DCLRE1A: variants seen among roughly 807,000 people sequenced by gnomAD.
DCLRE1A encodes the protein DNA cross-link repair 1A.
Under a neutral mutation model 91.9 loss-of-function variants are expected in DCLRE1A, and 64 were observed. The observed-to-expected ratio is 0.70, with a 90% CI of 0.57 to 0.86. The LOEUF is 0.86. Ranked by LOEUF, DCLRE1A falls within the 40% of genes least tolerant of loss-of-function variation. The pLI is 0.00. For missense variants in DCLRE1A, 1,145 were observed against 1,213.3 expected (o/e 0.94, Z 0.84); for synonymous variants, 416 against 431.1 (o/e 0.96, Z 0.43).
Position 113,849,118 on chromosome 10 carries a change from C to T in DCLRE1A, c.1987G>A (p.Ala663Thr). ...ACTTTGACTTTACTTAAATTGACTG[C>T]TTCAGATTCTGTATTAATAAGGTGA... ...SDHLINTESE[A>T]VNLSKVKVFT... The change falls in exon 2 of 9, where the codon GCA becomes ACA. Residue 663 changes from alanine (A) to threonine (T), a missense_variant. Physicochemically the swap from Ala to Thr is moderately conservative, Grantham distance 58. Transcript: ENST00000361384. 6.2e-7 allele frequency: 1 copy of T among 1,614,102 alleles called. No individual in the cohort carries two copies. The highest frequency in any genetic ancestry group is 8.5e-7 in the Non-Finnish European group (1 of 1,180,022).
rs138134130 is a variant in DCLRE1A at position 113,847,224 on chromosome 10, G to A, written c.2237C>T (p.Thr746Ile). 11 of 1,609,192 alleles carry A rather than the reference G, an allele frequency of 6.8e-6. No individual in the cohort carries two copies. The highest frequency in any genetic ancestry group is 8.5e-6 in the Non-Finnish European group (10 of 1,177,048). ...DHYAGLSKHF[T>I]FPVYCSEITG... The stretch of plus-strand genomic sequence containing the variant: ...TACCTCACTACAATAAACTGGAAAT[G>A]TGAAGTGTTTAGACAATCCAGCATA... Residue 746 changes from threonine (T) to isoleucine (I), a missense_variant, in exon 3 of 9, where the codon ACA (threonine) becomes ATA (isoleucine). Transcript: ENST00000361384.
At chr10:113,847,465 C>G in intron 2 of DCLRE1A, 130 bp from the exon 3 acceptor site, 1 of 1,063,226 alleles carries the variant, frequency 9.4e-7, no homozygotes, top group Non-Finnish European at 1.3e-6. Flanking sequence ...AAACTTATAT[C>G]ACATAAATTT....
rs1373055502 is a variant in DCLRE1A at position 113,835,235 on chromosome 10, G to A, written c.3040C>T (p.Pro1014Ser). The change falls in exon 9 of 9, where the codon CCT (proline) becomes TCT (serine). Residue 1014 changes from proline (P) to serine (S), a missense_variant. Pro to Ser is a moderately conservative substitution (Grantham distance 74). Coordinates refer to ENST00000361384, the MANE Select transcript of DCLRE1A (RefSeq NM_014881.5). ...TTCCAGGTGCCCACATTTACAGTAG[G>A]TATGATTTTCTGGGGCTTCAGCCAC... is the stretch of plus-strand genomic sequence containing the variant. ...VQWLKPQKII[P>S]TVNVGTWKSR... The A allele has an allele frequency of 1.9e-6, 3 of 1,614,046 alleles. No individual in the cohort carries two copies. Among genetic ancestry groups the A allele is most frequent in the Non-Finnish European group, 1.7e-6 (2 of 1,179,986 alleles).
chr10:113,852,930 C>T lies in DCLRE1A; in HGVS notation c.253G>A (p.Gly85Arg). The T allele has an allele frequency of 6.2e-7, 1 of 1,614,172 alleles. No homozygotes were observed. The change falls in exon 1 of 9, where the codon GGA becomes AGA. Residue 85 changes from glycine to arginine, a missense_variant. Physicochemically the swap from Gly to Arg is moderately radical, Grantham distance 125. Coordinates refer to ENST00000361384, the MANE Select transcript of DCLRE1A (RefSeq NM_014881.5). The stretch of plus-strand genomic sequence containing the variant: ...TCTTGGGTCTGCTGAATACCATCTC[C>T]ACAACTTGAATTCTGACTAGAAGCA... ...SVASSQNSSC[G>R]DGIQQTQDKE...
Position 113,835,008 on chromosome 10 carries a change from T to C in DCLRE1A, c.*144A>G, listed in dbSNP as rs1845341216. 2.3e-6 allele frequency: 2 copies of C among 873,912 alleles called. No individual in the cohort carries two copies. The highest frequency in any genetic ancestry group is 3.5e-6 in the Non-Finnish European group (2 of 579,188). 54.1% of individuals were successfully genotyped at this position (873,912 alleles called of 1,614,324 possible). ...GGCATTCAGCACCACGAACATGTTGTTCAAACATAAATGAGAAAATAAAGT... is the reference window on the plus strand; with the variant it reads ...GGCATTCAGCACCACGAACATGTTGCTCAAACATAAATGAGAAAATAAAGT... On this transcript the variant is annotated 3_prime_UTR_variant, in exon 9 of 9. Transcript: ENST00000361384.
chr10:113,850,015 T>A lies in DCLRE1A; in HGVS notation c.1090A>T (p.Ser364Cys). Reference protein sequence around the residue: ...DQDESCPKVNSFLTRDKYDEG... With the variant: ...DQDESCPKVNCFLTRDKYDEG... ...TCATACTTATCCCGAGTTAAGAAGCTGTTCACTTTGGGGCAGCTCTCATCC... is the reference window on the plus strand; with the variant it reads ...TCATACTTATCCCGAGTTAAGAAGCAGTTCACTTTGGGGCAGCTCTCATCC... Residue 364 changes from serine (S) to cysteine (C), a missense_variant, in exon 2 of 9, where the codon AGC becomes TGC. Coordinates refer to ENST00000361384, the MANE Select transcript of DCLRE1A (RefSeq NM_014881.5). The A allele has an allele frequency of 6.2e-7, 1 of 1,614,206 alleles. No homozygotes were observed. Among genetic ancestry groups the A allele is most frequent in the Non-Finnish European group, 8.5e-7 (1 of 1,180,040 alleles).
At position 113,841,419 on chromosome 10, in the gene DCLRE1A, T is replaced by G. The variant is rs1564842190; in HGVS notation, c.2807A>C (p.Gln936Pro). 2 of 1,612,504 alleles carry G rather than the reference T, an allele frequency of 1.2e-6. No homozygotes were observed. Among genetic ancestry groups the G allele is most frequent in the South Asian group, 2.2e-5 (2 of 90,506 alleles). Residue 936 changes from glutamine (Q) to proline (P), a missense_variant, in exon 7 of 9, where the codon CAA becomes CCA. Gln to Pro is a moderately conservative substitution (Grantham distance 76, BLOSUM62 -1). Transcript: ENST00000361384. ...TTGAATGCTTACCTTAAAATTAATTTGCATCATTGGGAGAAGGTGAACCAA... is the reference window on the plus strand; with the variant it reads ...TTGAATGCTTACCTTAAAATTAATTGGCATCATTGGGAGAAGGTGAACCAA... ...SSLVHLLPMM[Q>P]INFKGLQSHL...
chr10:113,842,169 C>T (rs1845455164), intron 6 of DCLRE1A, among the ~76,000 whole-genome samples, 174 bp downstream of exon 6: 1 of 152,076 alleles, frequency 6.6e-6, no homozygotes, highest in Admixed American at 6.5e-5. Context: ...AAAGTCAAAC[C>T]TTTCAAAGAT....
rs1201944079 is a variant in DCLRE1A at position 113,853,804 on chromosome 10, C to G, written c.-622G>C. 1 of 152,360 alleles carries G rather than the reference C, an allele frequency of 6.6e-6. No individual in the cohort carries two copies. The highest frequency in any genetic ancestry group is 1.5e-5 in the Non-Finnish European group (1 of 68,148). 9.4% of individuals were successfully genotyped at this position (152,360 alleles called of 1,614,324 possible). A position where few individuals can be genotyped will look rare whatever the true frequency, so the allele number is the denominator to read the frequency against. ...AGTGGATACTCAACCACTTCAGTTT[C>G]CCGCGACAGTCCATGATCTTCCTCC... On this transcript the variant is annotated 5_prime_UTR_variant, in exon 1 of 9. Coordinates refer to ENST00000361384, the MANE Select transcript of DCLRE1A (RefSeq NM_014881.5).
Position 113,853,776 on chromosome 10 carries a change from A to T in DCLRE1A, c.-594T>A, listed in dbSNP as rs1845700197. 1 of 152,382 alleles carries T rather than the reference A, an allele frequency of 6.6e-6. No homozygotes were observed. Among genetic ancestry groups the T allele is most frequent in the African/African-American group, 2.4e-5 (1 of 41,448 alleles). The allele number at this position is 152,382 out of a possible 1,614,324, so 9.4% of individuals were successfully genotyped here. A position where few individuals can be genotyped will look rare whatever the true frequency, so the allele number is the denominator to read the frequency against. ...TGCGAAGTCACTGCCCTCATCCACG[A>T]CTAGTGGATACTCAACCACTTCAGT... On this transcript the variant is annotated 5_prime_UTR_variant, in exon 1 of 9. Coordinates refer to ENST00000361384, the MANE Select transcript of DCLRE1A (RefSeq NM_014881.5).
chr10:113,845,491 T>C (rs1845522283), intron 4 of DCLRE1A, among the ~76,000 whole-genome samples, 194 bp downstream of exon 4: 1 of 152,232 alleles, frequency 6.6e-6, no homozygotes. Context: ...TTAGATAACA[T>C]TTAGAAGATC....
chr10:113,853,279 G>GAAA lies in DCLRE1A; in HGVS notation c.-100_-98dup. The GAAA allele has an allele frequency of 8.2e-7, 1 of 1,220,890 alleles. No individual in the cohort carries two copies. The highest frequency in any genetic ancestry group is 1.6e-5 in the African/African-American group (1 of 64,080). The allele number at this position is 1,220,890 out of a possible 1,614,324, so 75.6% of individuals were successfully genotyped here. A position where few individuals can be genotyped will look rare whatever the true frequency, so the allele number is the denominator to read the frequency against. On this transcript the variant is annotated 5_prime_UTR_variant, in exon 1 of 9. Coordinates refer to ENST00000361384, the MANE Select transcript of DCLRE1A (RefSeq NM_014881.5). ...AAAAGTTATAGAATTATTTTGCTGAGAAAAAAAACAAAGGTAACAAAACCC... is the reference window on the plus strand; with the variant it reads ...AAAAGTTATAGAATTATTTTGCTGAGAAAAAAAAAAACAAAGGTAACAAAACCC...
intron 7 of DCLRE1A, 99 bp downstream of exon 7, chr10:113,841,307 G>T (rs1845441415): frequency 6.6e-6 from 9 of 1,363,778 alleles, no homozygotes; most frequent in Middle Eastern, 2.1e-4. Context: ...TACTATGGGT[G>T]ACTCTATTAT....
At chr10:113,843,021 TGTACAC>T (rs1467194727) in intron 5 of DCLRE1A, among the ~76,000 whole-genome samples, 2 of 101,418 alleles carry the variant, frequency 2.0e-5, no homozygotes, top group Non-Finnish European at 3.8e-5. Flanking sequence ...TATGTACATG[TGTACAC>T]ACACACACAC....
chr10:113,850,512 A>G lies in DCLRE1A; in HGVS notation c.593T>C (p.Phe198Ser). 1 of 1,614,150 alleles carries G rather than the reference A, an allele frequency of 6.2e-7. No individual in the cohort carries two copies. The highest frequency in any genetic ancestry group is 1.3e-5 in the African/African-American group (1 of 75,064). Residue 198 changes from phenylalanine (F) to serine (S), a missense_variant, in exon 2 of 9, where the codon TTC (phenylalanine) becomes TCC (serine). Physicochemically the swap from Phe to Ser is radical, Grantham distance 155. Transcript: ENST00000361384. ...AAGGACGCCTGACTTAGTCTCACTG[A>G]AACTGCCACCTGACGCAGGTGATGG... ...SSPSPASGGSFSETKSGVLCS... is the reference protein window; with the variant it reads ...SSPSPASGGSSSETKSGVLCS...
chr10:113,843,984 T>G (rs971648188), intron 5 of DCLRE1A, 120 bp downstream of exon 5: 1 of 1,367,740 alleles, frequency 7.3e-7, no homozygotes, highest in African/African-American at 1.5e-5. Flanking sequence ...TCAAACAGCA[T>G]CCCTCTGATA....
At chr10:113,844,929 T>G (rs997638599) in intron 4 of DCLRE1A, among the ~76,000 whole-genome samples, 3 of 139,366 alleles carry the variant, frequency 2.2e-5, no homozygotes, top group African/African-American at 8.1e-5. Context: ...AAAGCGAAAC[T>G]CTGTCTCAAA....
chr10:113,848,759 T>C (rs1404840239), intron 2 of DCLRE1A, among the ~76,000 whole-genome samples: 1 of 152,086 alleles, frequency 6.6e-6, no homozygotes, highest in Admixed American at 6.6e-5. Context: ...GTCACTTACA[T>C]AGAGGGCATG....
chr10:113,850,418 T>C lies in DCLRE1A; in HGVS notation c.687A>G (p.Leu229=). ...QTDNSVSNDP[L]LMTQYFKKSP... ...ACTTTTTAAAATACTGTGTCATCAA[T>C]AAGGGATCATTTGAAACCGAGTTAT... Residue 229 remains leucine (L), a synonymous_variant, in exon 2 of 9, where the codon TTA becomes TTG. Transcript: ENST00000361384. The C allele has an allele frequency of 6.2e-7, 1 of 1,614,216 alleles. No homozygotes were observed. The highest frequency in any genetic ancestry group is 8.5e-7 in the Non-Finnish European group (1 of 1,180,036).
Sources: allele counts gnomAD v4.1 joint callset (sites outside exome capture counted in the v4.1 genomes callset), GRCh38; gene constraint gnomAD v4.1.1; transcripts MANE v1.5; gene names NCBI Gene and HGNC (gene_info 2026-07-23, HGNC 2026-07-21).